The following PPM1A variants were observed in gnomAD, a reference collection of about 807,000 sequenced individuals.
PPM1A encodes protein phosphatase, Mg2+/Mn2+ dependent 1A.
Under a neutral mutation model 35.0 loss-of-function variants are expected in PPM1A, and 7 were observed. That is an observed-to-expected ratio of 0.20 (90% CI 0.11 to 0.38). The LOEUF is 0.38. PPM1A is among the 10% of genes least tolerant of loss of function. The pLI is 1.00. For synonymous variants in PPM1A, 153 were observed against 167.3 expected (o/e 0.91, Z 0.66); for missense variants, 239 against 467.8 (o/e 0.51, Z 4.51).
chr14:60,256,205 G>T (rs1409063471), intron 1 of PPM1A, among the ~76,000 whole-genome samples: 1 of 152,166 alleles, frequency 6.6e-6, no homozygotes, highest in African/African-American at 2.4e-5. Context: ...TGAATCACAA[G>T]GTCAGGAGAT....
At chr14:60,271,855 T>C (rs190080835) in intron 1 of PPM1A, among the ~76,000 whole-genome samples, 1 of 152,162 alleles carries the variant, frequency 6.6e-6, no homozygotes, top group African/African-American at 2.4e-5. Flanking sequence ...TACCTAGGTA[T>C]TCCTAGAACT....
In PPM1A at chr14:60,297,032, T is replaced by A. The variant is rs896741345; in HGVS notation, c.*4550T>A. On this transcript the variant is annotated 3_prime_UTR_variant, in exon 6 of 6. Coordinates refer to ENST00000395076, the MANE Select transcript of PPM1A (RefSeq NM_021003.5). ...TTTTTATGAGATGGAGAAAAAAGAT[T>A]AAGTTGATATAACAACAAAGTGGAC... 1 of 181,668 alleles carries A rather than the reference T, an allele frequency of 5.5e-6. No homozygotes were observed. Among genetic ancestry groups the A allele is most frequent in the African/African-American group, 2.3e-5 (1 of 43,008 alleles). 11.3% of individuals were successfully genotyped at this position (181,668 alleles called of 1,614,324 possible).
chr14:60,270,095 T>C (rs940529686), intron 1 of PPM1A, among the ~76,000 whole-genome samples: 1 of 152,232 alleles, frequency 6.6e-6, no homozygotes, highest in African/African-American at 2.4e-5. Flanking sequence ...GTATCTTTTC[T>C]CAAGTCTACT....
chr14:60,259,244 T>G (rs903598061), intron 1 of PPM1A, among the ~76,000 whole-genome samples: 4 of 151,992 alleles, frequency 2.6e-5, no homozygotes, highest in African/African-American at 7.2e-5. Context: ...CTTTTGGTCA[T>G]TTTTTTCAGC....
rs148597030 is a variant in PPM1A, at chr14:60,261,188, G to C, written c.-21+11511G>C. Among the ~76,000 whole-genome samples the C allele has an allele frequency of 4.3e-3, 655 of 152,290 alleles. 5 individuals carry two copies. Among genetic ancestry groups the C allele is most frequent in the African/African-American group, 0.015 (625 of 41,574 alleles). The stretch of plus-strand genomic sequence containing the variant: ...AATTAAAAGCAAGAAAGGAGATACA[G>C]AAGAAGAGATTGCTCAGGCTGAGGA... On this transcript the variant is annotated intron_variant, in intron 1 of 5. Transcript: ENST00000395076.
upstream of PPM1A, chr14:60,245,931 G>A (rs373642123): frequency 6.3e-7 from 1 of 1,582,440 alleles, no homozygotes; most frequent in African/African-American, 1.3e-5. The surrounding 1 kb of genome is among the most constrained non-coding windows in gnomAD (Gnocchi z 4.2). Context: ...GAATGGGGAA[G>A]AGAAGGGCAA....
At chr14:60,269,858 T>C (rs1440775199) in intron 1 of PPM1A, among the ~76,000 whole-genome samples, 1 of 152,202 alleles carries the variant, frequency 6.6e-6, no homozygotes, top group African/African-American at 2.4e-5. Context: ...CGATGGCATG[T>C]TTATTTTGTC....
intron 1 of PPM1A, among the ~76,000 whole-genome samples, chr14:60,272,690 C>CAAAAAA (rs34892158): frequency 4.4e-5 from 3 of 68,566 alleles, no homozygotes; most frequent in Non-Finnish European, 8.4e-5. Context: ...GACTCTGTCT[C>CAAAAAA]AAAAAAAAAA....
rs1886484390 is a variant in PPM1A, at chr14:60,282,266, C to G, written c.-20-418C>G. Reference sequence around the variant, plus strand: ...TCAAGCTTGAAAATTCCTGAATGTTCAACCAAGATATATTTGAGTTAGTAG... The same window carrying G: ...TCAAGCTTGAAAATTCCTGAATGTTGAACCAAGATATATTTGAGTTAGTAG... On this transcript the variant is annotated intron_variant, in intron 1 of 5. Transcript: ENST00000395076. This position sits in a 1 kb window ranked among gnomAD's most constrained non-coding sequence, Gnocchi z 5.1. 9.3e-6 allele frequency among the ~76,000 whole-genome samples: 1 copy of G among 107,558 alleles called. No individual in the cohort carries two copies. The highest frequency in any genetic ancestry group is 1.7e-5 in the Non-Finnish European group (1 of 59,668). 70.6% of individuals were successfully genotyped at this position (107,558 alleles called of 152,430 possible). A position where few individuals can be genotyped will look rare whatever the true frequency, so the allele number is the denominator to read the frequency against.
intron 1 of PPM1A, among the ~76,000 whole-genome samples, chr14:60,280,418 A>G (rs931304147): frequency 1.3e-5 from 2 of 152,246 alleles, no homozygotes; most frequent in African/African-American, 4.8e-5. Flanking sequence ...GTCTAATTTC[A>G]TAACTTATTT....
chr14:60,249,259 G>A lies in PPM1A; in HGVS notation c.-439G>A, dbSNP rs1882018425. On this transcript the variant is annotated 5_prime_UTR_variant, in exon 1 of 6. Transcript: ENST00000395076. The surrounding 1 kb of genome is among the most constrained non-coding windows in gnomAD (Gnocchi z 4.5). Reference sequence around the variant, plus strand: ...GCGGCGGTGGCGGCGCTAGGGACGGGAGCGCGCGCGGGAGCTAGAGAGCAG... The same window carrying A: ...GCGGCGGTGGCGGCGCTAGGGACGGAAGCGCGCGCGGGAGCTAGAGAGCAG... 1.0e-6 allele frequency: 1 copy of A among 986,806 alleles called. No individual in the cohort carries two copies. The highest frequency in any genetic ancestry group is 4.5e-5 in the South Asian group (1 of 22,136). The allele number at this position is 986,806 out of a possible 1,614,324, so 61.1% of individuals were successfully genotyped here. A position where few individuals can be genotyped will look rare whatever the true frequency, so the allele number is the denominator to read the frequency against.
At chr14:60,276,068 T>TA in intron 1 of PPM1A, among the ~76,000 whole-genome samples, 1 of 152,178 alleles carries the variant, frequency 6.6e-6, no homozygotes, top group Non-Finnish European at 1.5e-5. Flanking sequence ...AGGTATGCAG[T>TA]ATATTGCTTA....
At chr14:60,255,170 T>G (rs140354177) in intron 1 of PPM1A, among the ~76,000 whole-genome samples, 2,307 of 109,640 alleles carry the variant, frequency 0.021, 116 homozygotes, top group African/African-American at 0.1. Flanking sequence ...TTTTTTTTTT[T>G]TTTGTTTTGT....
chr14:60,287,271 T>C (rs1887116448), intron 3 of PPM1A: 1 of 975,630 alleles, frequency 1.0e-6, no homozygotes, highest in Non-Finnish European at 1.2e-6. Flanking sequence ...ATATTTCTTA[T>C]TATCAAGCAA....
intron 3 of PPM1A, chr14:60,287,185 T>C: frequency 2.1e-6 from 2 of 940,026 alleles, no homozygotes; most frequent in Non-Finnish European, 2.5e-6. Flanking sequence ...CTTTTCTCTT[T>C]AGTGTGTACA....
At chr14:60,254,601 CTT>C (rs1882835791) in intron 1 of PPM1A, among the ~76,000 whole-genome samples, 1 of 151,992 alleles carries the variant, frequency 6.6e-6, no homozygotes, top group Non-Finnish European at 1.5e-5. Flanking sequence ...AAAATGGAGT[CTT>C]TATAAAAGGC....
intron 1 of PPM1A, among the ~76,000 whole-genome samples, chr14:60,274,701 T>G (rs995208457): frequency 1.2e-5 from 1 of 86,556 alleles, no homozygotes. Flanking sequence ...CTTTTTTTTC[T>G]GTAGTATCCA....
In PPM1A at chr14:60,273,154, A is replaced by G. The variant is rs1421669712; in HGVS notation, c.-20-9530A>G. Among the ~76,000 whole-genome samples the G allele has an allele frequency of 2.6e-5, 4 of 152,042 alleles. No homozygotes were observed. The highest frequency in any genetic ancestry group is 9.7e-5 in the African/African-American group (4 of 41,394). On this transcript the variant is annotated intron_variant, in intron 1 of 5. Coordinates refer to ENST00000395076, the MANE Select transcript of PPM1A (RefSeq NM_021003.5). This position sits in a 1 kb window ranked among gnomAD's most constrained non-coding sequence, Gnocchi z 4.3. ...GGTGCACTCTCCTTGTTAATGAGTT[A>G]TTTGCATCTGATTTTGAGTTTATTC...
Position 60,283,986 on chromosome 14 carries a change from A to G in PPM1A, c.834+449A>G, listed in dbSNP as rs17097275. Among the ~76,000 whole-genome samples the G allele has an allele frequency of 6.5e-4, 99 of 152,368 alleles. 1 individual carries two copies. In the East Asian group the frequency reaches 0.017, roughly 26 times the overall value. ...TAGCACTTGAAAGAGGAATGTAGTG[A>G]TCATTAGACGTGATGTAATAGAAAT... On this transcript the variant is annotated intron_variant, in intron 2 of 5. Transcript: ENST00000395076. This position sits in a 1 kb window ranked among gnomAD's most constrained non-coding sequence, Gnocchi z 6.3.
Sources: allele counts gnomAD v4.1 joint callset (sites outside exome capture counted in the v4.1 genomes callset), GRCh38; gene constraint gnomAD v4.1.1; non-coding constraint Gnocchi (gnomAD v3.1); transcripts MANE v1.5; gene names NCBI Gene and HGNC (gene_info 2026-07-23, HGNC 2026-07-21).